PTPRZ1: variants seen among roughly 807,000 people sequenced by gnomAD.
PTPRZ1 encodes receptor-type tyrosine-protein phosphatase zeta.
A neutral mutation model predicts 214.1 loss-of-function variants in PTPRZ1; 82 were observed. The ratio of observed to expected loss-of-function variants is 0.38; its 90% CI spans 0.32 to 0.46. The LOEUF (loss-of-function observed/expected upper bound fraction) is 0.46, where lower values mean the gene tolerates loss of function less well. Ranked by LOEUF, PTPRZ1 falls within the 20% of genes least tolerant of loss-of-function variation. The probability of loss-of-function intolerance (pLI) is 1.00; values close to 1 mark genes in which losing one functional copy is unlikely to be tolerated. For missense variants in PTPRZ1, 2,603 were observed against 2,748.7 expected (o/e 0.95, Z 1.19); for synonymous variants, 945 against 987.9 (o/e 0.96, Z 0.81).
At chr7:122,003,596 A>G (rs370912508) in intron 10 of PTPRZ1, among the ~76,000 whole-genome samples, 1 of 152,294 alleles carries the variant, frequency 6.6e-6, no homozygotes, top group Admixed American at 6.5e-5. Flanking sequence ...AGGACATAAA[A>G]CATAGAACAT....
intron 6 of PTPRZ1, among the ~76,000 whole-genome samples, chr7:121,980,485 C>T (rs1245516497): frequency 6.6e-6 from 1 of 152,144 alleles, no homozygotes; most frequent in East Asian, 1.9e-4. Context: ...GGAGGACATA[C>T]TTTTAGAAGT....
chr7:121,942,229 T>C (rs1796256915), intron 2 of PTPRZ1, among the ~76,000 whole-genome samples: 1 of 152,214 alleles, frequency 6.6e-6, no homozygotes, highest in African/African-American at 2.4e-5. Context: ...CTCAAAGTCT[T>C]CTGCAAATTG....
intron 2 of PTPRZ1, among the ~76,000 whole-genome samples, chr7:121,952,818 A>T (rs1796597795): frequency 6.6e-6 from 1 of 152,218 alleles, no homozygotes; most frequent in Non-Finnish European, 1.5e-5. Flanking sequence ...TTTGCAATGT[A>T]AGCTGATGAT....
intron 6 of PTPRZ1, among the ~76,000 whole-genome samples, chr7:121,977,733 C>T (rs1042826709): frequency 6.7e-6 from 1 of 149,922 alleles, no homozygotes; most frequent in Non-Finnish European, 1.5e-5. Flanking sequence ...TTTAGAGACA[C>T]AGCACAAGAT....
chr7:121,885,032 G>T (rs780364267), intron 1 of PTPRZ1, among the ~76,000 whole-genome samples: 1 of 151,994 alleles, frequency 6.6e-6, no homozygotes, highest in Non-Finnish European at 1.5e-5. Context: ...CTCACTTTAG[G>T]TTATTTGGTT....
intron 2 of PTPRZ1, among the ~76,000 whole-genome samples, chr7:121,940,945 T>C (rs1207419353): frequency 6.6e-6 from 1 of 152,214 alleles, no homozygotes; most frequent in African/African-American, 2.4e-5. Flanking sequence ...TCTCCGATTC[T>C]GTTTATAATC....
intron 1 of PTPRZ1, among the ~76,000 whole-genome samples, chr7:121,914,684 C>A (rs1795367781): frequency 6.6e-6 from 1 of 151,898 alleles, no homozygotes; most frequent in African/African-American, 2.4e-5. Context: ...TTTTAAAGAC[C>A]AAAATTGTAA....
intron 1 of PTPRZ1, among the ~76,000 whole-genome samples, chr7:121,923,534 A>C (rs1212944694): frequency 1.3e-5 from 2 of 152,114 alleles, no homozygotes; most frequent in Non-Finnish European, 2.9e-5. Flanking sequence ...ATTTTGTCAG[A>C]GCACTGCTGC....
chr7:122,040,399 G>T (rs1027146090), intron 20 of PTPRZ1, among the ~76,000 whole-genome samples: 6 of 152,274 alleles, frequency 3.9e-5, no homozygotes, highest in African/African-American at 1.4e-4. Flanking sequence ...TCTTTACGTT[G>T]CACTGTTGAG....
chr7:121,983,299 C>T (rs911666762), intron 6 of PTPRZ1, among the ~76,000 whole-genome samples: 1 of 152,102 alleles, frequency 6.6e-6, no homozygotes, highest in African/African-American at 2.4e-5. Context: ...CTAGTACAGG[C>T]TTTGATGATC....
chr7:121,908,899 T>C (rs1795192490), intron 1 of PTPRZ1: 1 of 514,296 alleles, frequency 1.9e-6, no homozygotes, highest in African/African-American at 1.9e-5. Context: ...TTATTGAATA[T>C]TCATTGGTGC....
chr7:122,018,945 C>T (rs1050448056), intron 12 of PTPRZ1, among the ~76,000 whole-genome samples, 179 bp from the exon 13 acceptor site: 1 of 152,146 alleles, frequency 6.6e-6, no homozygotes, highest in Non-Finnish European at 1.5e-5. Context: ...AATAGCCTGC[C>T]TTACATTTTA....
In PTPRZ1 at chr7:122,013,841, T is replaced by C. The variant is rs775542642; in HGVS notation, c.4795T>C (p.Ser1599Pro). The part of the protein sequence containing the change: ...ITPGFPQSPT[S>P]SVTSENSEVF... ...TCCTGGATTCCCACAGTCCCCAACA[T>C]CATCTGTTACTAGCGAGAACTCAGA... Residue 1599 changes from serine (S) to proline (P), a missense_variant, in exon 12 of 30, where the codon TCA becomes CCA. Physicochemically the swap from Ser to Pro is moderately conservative, Grantham distance 74 (BLOSUM62 -1). Around this residue, in one of 6 missense-constraint regions of PTPRZ1, gnomAD observed 1,913 missense variants for 1,914.3 expected, o/e 1.00. Coordinates refer to ENST00000393386, the MANE Select transcript of PTPRZ1 (RefSeq NM_002851.3). 6.2e-7 allele frequency: 1 copy of C among 1,613,772 alleles called. No individual in the cohort carries two copies. Among genetic ancestry groups the C allele is most frequent in the South Asian group, 1.1e-5 (1 of 90,990 alleles).
intron 1 of PTPRZ1, 114 bp from the exon 2 acceptor site, chr7:121,928,042 A>G (rs1795815111): frequency 4.1e-6 from 3 of 739,590 alleles, no homozygotes; most frequent in East Asian, 2.5e-5. Context: ...CATTGAGAAG[A>G]TGACATGGAA....
At chr7:121,910,917 A>AT (rs1160247698) in intron 1 of PTPRZ1, among the ~76,000 whole-genome samples, 1 of 152,240 alleles carries the variant, frequency 6.6e-6, no homozygotes, top group Admixed American at 6.5e-5. Context: ...TTAGAAGTGA[A>AT]TGGCATTCAT....
chr7:121,959,280 G>A (rs1466361112), intron 2 of PTPRZ1, among the ~76,000 whole-genome samples: 1 of 152,190 alleles, frequency 6.6e-6, no homozygotes, highest in African/African-American at 2.4e-5. Flanking sequence ...TGATGTGATT[G>A]TCCCATTAGT....
intron 18 of PTPRZ1, among the ~76,000 whole-genome samples, chr7:122,037,910 AC>A (rs1424039916): frequency 2.6e-5 from 4 of 152,132 alleles, no homozygotes; most frequent in Admixed American, 2.0e-4. Context: ...ATGAAGGAAT[AC>A]CCAAGACTGG....
chr7:121,925,267 G>A (rs1795720060), intron 1 of PTPRZ1, among the ~76,000 whole-genome samples: 1 of 152,048 alleles, frequency 6.6e-6, no homozygotes, highest in Admixed American at 6.6e-5. Context: ...ATATTCATTT[G>A]TAATAAAGAA....
intron 8 of PTPRZ1, among the ~76,000 whole-genome samples, chr7:121,987,293 C>G (rs913964517): frequency 6.6e-6 from 1 of 152,126 alleles, no homozygotes; most frequent in Non-Finnish European, 1.5e-5. Context: ...GTCTTCACGT[C>G]TTCTTAAGGC....
Sources: gnomAD v4.1 joint callset for allele counts (sites outside exome capture counted in the v4.1 genomes callset) on GRCh38, gnomAD v4.1.1 for gene constraint, gnomAD v4.1.1 regional missense constraint, MANE v1.5 for transcripts, NCBI Gene and HGNC (gene_info 2026-07-23, HGNC 2026-07-21) for gene names.